Variants in PLXNC1 observed in about 807,000 individuals in gnomAD.
The protein encoded by PLXNC1 is plexin-C1.
A neutral mutation model predicts 178.2 loss-of-function variants in PLXNC1; 75 were observed. The observed-to-expected ratio is 0.42, with a 90% CI of 0.35 to 0.51. The LOEUF (loss-of-function observed/expected upper bound fraction) is 0.51. Ranked by LOEUF, PLXNC1 falls within the 20% of genes least tolerant of loss-of-function variation. The probability of loss-of-function intolerance (pLI) is 0.02; values close to 1 mark genes in which losing one functional copy is unlikely to be tolerated. For synonymous variants in PLXNC1, 790 were observed against 779.9 expected, an observed-to-expected ratio of 1.01 and a Z score of -0.22; for missense variants, 1,503 against 1,984.4, an observed-to-expected ratio of 0.76 and a Z score of 4.61.
chr12:94,212,429 G>C (rs1036031187), intron 5 of PLXNC1, among the ~76,000 whole-genome samples: 3 of 152,048 alleles, frequency 2.0e-5, no homozygotes, highest in African/African-American at 7.2e-5. Flanking sequence ...GCACCCATCA[G>C]CTCGTCATTT....
chr12:94,289,714 C>T (rs75997341), intron 23 of PLXNC1, among the ~76,000 whole-genome samples: 6,903 of 152,222 alleles, frequency 0.045, 215 homozygotes, highest in Non-Finnish European at 0.072. Flanking sequence ...AAAAAGAAAA[C>T]GGAAACCTTT....
rs551134502 is a variant in PLXNC1 at position 94,258,457 on chromosome 12, C to CA, written c.3088-874dup. On this transcript the variant is annotated intron_variant, in intron 17 of 30. Transcript: ENST00000258526. ...ATTAGCTCAAAGTTTCTATTATTATCAAAAAAGAAGAAAAACTTGAATGTT... is the reference window on the plus strand; with the variant it reads ...ATTAGCTCAAAGTTTCTATTATTATCAAAAAAAGAAGAAAAACTTGAATGTT... Among the ~76,000 whole-genome samples the CA allele has an allele frequency of 9.8e-4, 149 of 152,086 alleles. 1 individual carries two copies. Among genetic ancestry groups the CA allele is most frequent in the African/African-American group, 3.4e-3 (141 of 41,482 alleles).
chr12:94,259,912 AAAGAG>A (rs944610146), intron 19 of PLXNC1, among the ~76,000 whole-genome samples, 178 bp downstream of exon 19: 3 of 152,166 alleles, frequency 2.0e-5, no homozygotes, highest in Admixed American at 6.5e-5. Flanking sequence ...AAAAAAAAAA[AAAGAG>A]AGAGAAATCA....
chr12:94,168,316 C>T (rs764188597), intron 1 of PLXNC1: 2 of 152,160 alleles, frequency 1.3e-5, no homozygotes, highest in African/African-American at 2.4e-5. Flanking sequence ...AGTTTCCTGT[C>T]GTTGAAGGCA....
chr12:94,240,611 C>T lies in PLXNC1; in HGVS notation c.2247C>T (p.Ser749=). ...GGNCSSVGSL[S]YIALPHCSLI... Reference sequence around the variant, plus strand: ...ACTGCTCTTCTGTGGGATCCTTATCCTACATTGCTCTGCCACATTGTTCCC... The same window carrying T: ...ACTGCTCTTCTGTGGGATCCTTATCTTACATTGCTCTGCCACATTGTTCCC... The change falls in exon 11 of 31, where the codon TCC becomes TCT. Residue 749 remains serine (S), a synonymous_variant. Coordinates refer to ENST00000258526, the MANE Select transcript of PLXNC1 (RefSeq NM_005761.3). 1 of 1,613,924 alleles carries T rather than the reference C, an allele frequency of 6.2e-7. No individual in the cohort carries two copies. Among genetic ancestry groups the T allele is most frequent in the South Asian group, 1.1e-5 (1 of 91,074 alleles).
At position 94,260,509 on chromosome 12, in the gene PLXNC1, TA is replaced by T. The variant is rs376806060; in HGVS notation, c.3252-115del. ...ATAGAAGTGGTTAGAATCTAAACAT[TA>T]AAAAAAAAAAAAAAAAAGCTCCCAA... On this transcript the variant is annotated intron_variant, in intron 19 of 30. Coordinates refer to ENST00000258526, the MANE Select transcript of PLXNC1 (RefSeq NM_005761.3). The surrounding 1 kb of genome is among the most constrained non-coding windows in gnomAD (Gnocchi z 4.4). 174,947 of 479,962 alleles carry T rather than the reference TA, an allele frequency of 0.36. 7,537 individuals carry two copies. The highest frequency in any genetic ancestry group is 0.46 in the African/African-American group (19,402 of 41,994). 29.7% of individuals were successfully genotyped at this position (479,962 alleles called of 1,614,324 possible).
chr12:94,305,327 G>C lies in PLXNC1; in HGVS notation c.*42G>C. 1.6e-6 allele frequency: 2 copies of C among 1,220,018 alleles called. No homozygotes were observed. The highest frequency in any genetic ancestry group is 2.4e-6 in the Non-Finnish European group (2 of 838,066). 75.6% of individuals were successfully genotyped at this position (1,220,018 alleles called of 1,614,324 possible). A position where few individuals can be genotyped will look rare whatever the true frequency, so the allele number is the denominator to read the frequency against. On this transcript the variant is annotated 3_prime_UTR_variant, in exon 31 of 31. Coordinates refer to ENST00000258526, the MANE Select transcript of PLXNC1 (RefSeq NM_005761.3). Reference sequence around the variant, plus strand: ...CTTAATCTGGCAAAGTTCTTCAGACGACTTGGGAGCAAAATGGCTGCTTGA... The same window carrying C: ...CTTAATCTGGCAAAGTTCTTCAGACCACTTGGGAGCAAAATGGCTGCTTGA...
At chr12:94,298,858 AAGAC>A (rs2136220635) in intron 27 of PLXNC1, 63 bp downstream of exon 27, 1 of 1,367,500 alleles carries the variant, frequency 7.3e-7, no homozygotes, top group Non-Finnish European at 1.0e-6. Flanking sequence ...AACTAAAAGA[AAGAC>A]ATAGATAGTT....
At chr12:94,189,546 G>A (rs1186790633) in intron 4 of PLXNC1, among the ~76,000 whole-genome samples, 1 of 152,170 alleles carries the variant, frequency 6.6e-6, no homozygotes, top group Non-Finnish European at 1.5e-5. Flanking sequence ...TGAGTGTGGT[G>A]GTATGTGCTT....
chr12:94,268,067 C>A (rs190772036), intron 21 of PLXNC1, among the ~76,000 whole-genome samples: 3 of 152,158 alleles, frequency 2.0e-5, no homozygotes, highest in African/African-American at 7.2e-5. Flanking sequence ...CCTCACGAAC[C>A]ACTTGAAATG....
intron 1 of PLXNC1, among the ~76,000 whole-genome samples, chr12:94,162,169 C>G (rs565361046): frequency 2.0e-5 from 3 of 151,892 alleles, no homozygotes; most frequent in African/African-American, 7.3e-5. Context: ...GAGGTAGGAA[C>G]GGGAAGAGCT....
Position 94,149,211 on chromosome 12 carries a change from C to A in PLXNC1, c.240C>A (p.Tyr80Ter). Residue 80 changes from tyrosine (Y) to a stop codon, truncating the protein, a stop_gained, in exon 1 of 31, where the codon TAC becomes TAA. Transcript: ENST00000258526. LOFTEE classifies it high-confidence loss of function. Reference protein sequence around the residue: ...YSLEHSLSRLYRDQAGNCTEP... With the variant: ...YSLEHSLSRL ...TGGAGCACAGCCTCTCGCGCCTGTACCGGGACCAAGCGGGCAACTGCACAG... is the reference window on the plus strand; with the variant it reads ...TGGAGCACAGCCTCTCGCGCCTGTAACGGGACCAAGCGGGCAACTGCACAG... 1 of 1,586,220 alleles carries A rather than the reference C, an allele frequency of 6.3e-7. No homozygotes were observed. Among genetic ancestry groups the A allele is most frequent in the Non-Finnish European group, 8.5e-7 (1 of 1,170,876 alleles).
At chr12:94,215,840 C>T (rs566313596) in intron 5 of PLXNC1, among the ~76,000 whole-genome samples, 1 of 151,966 alleles carries the variant, frequency 6.6e-6, no homozygotes, top group African/African-American at 2.4e-5. Context: ...AAAGCAAAGT[C>T]ACAGAAGAAC....
Position 94,240,499 on chromosome 12 carries a change from A to T in PLXNC1, c.2135A>T (p.His712Leu). ...TCDKDVIQVS[H>L]VLNDTHMKFS... ...CTCTTTTCTAGGATACAGGTTAGCC[A>T]TGTGCTAAATGACACCCACATGAAA... Residue 712 changes from histidine to leucine, a missense_variant, in exon 11 of 31, where the codon CAT (histidine) becomes CTT (leucine). His to Leu is a moderately conservative substitution (Grantham distance 99). Coordinates refer to ENST00000258526, the MANE Select transcript of PLXNC1 (RefSeq NM_005761.3). 6.2e-7 allele frequency: 1 copy of T among 1,613,788 alleles called. No individual in the cohort carries two copies. Among genetic ancestry groups the T allele is most frequent in the South Asian group, 1.1e-5 (1 of 91,060 alleles).
intron 14 of PLXNC1, among the ~76,000 whole-genome samples, chr12:94,248,894 G>A (rs572005136): frequency 9.4e-4 from 143 of 152,206 alleles, no homozygotes; most frequent in Admixed American, 5.0e-3. Flanking sequence ...TACTTTCTGC[G>A]ATTAATCTTT....
At chr12:94,237,055 G>A (rs1257558201) in intron 9 of PLXNC1, among the ~76,000 whole-genome samples, 1 of 152,194 alleles carries the variant, frequency 6.6e-6, no homozygotes, top group Non-Finnish European at 1.5e-5. Context: ...AAACTGGGTA[G>A]CAAGAAGGAG....
intron 4 of PLXNC1, among the ~76,000 whole-genome samples, chr12:94,204,523 TG>T (rs1454479364): frequency 6.6e-6 from 1 of 152,270 alleles, no homozygotes; most frequent in Non-Finnish European, 1.5e-5. Flanking sequence ...ATCCAATTTT[TG>T]AGCTTTCCCA....
At chr12:94,204,172 C>T (rs1484637101) in intron 4 of PLXNC1, among the ~76,000 whole-genome samples, 4 of 152,178 alleles carry the variant, frequency 2.6e-5, no homozygotes, top group African/African-American at 4.8e-5. Flanking sequence ...CAGATGGGCT[C>T]AGTCACTATT....
At chr12:94,291,309 C>G (rs986368692) in intron 23 of PLXNC1, among the ~76,000 whole-genome samples, 4 of 152,202 alleles carry the variant, frequency 2.6e-5, no homozygotes, top group African/African-American at 9.7e-5. Flanking sequence ...AATCGTGGCT[C>G]ACTGCACCCT....
Sources: gnomAD v4.1 joint callset for allele counts (sites outside exome capture counted in the v4.1 genomes callset) on GRCh38, gnomAD v4.1.1 for gene constraint, Gnocchi (gnomAD v3.1) non-coding constraint, MANE v1.5 for transcripts, NCBI Gene and HGNC (gene_info 2026-07-23, HGNC 2026-07-21) for gene names.